USP40: variants seen among roughly 807,000 people sequenced by gnomAD.
USP40 encodes ubiquitin carboxyl-terminal hydrolase 40.
In USP40, 143 loss-of-function variants were observed where a neutral mutation model predicts 166.2. The ratio of observed to expected loss-of-function variants is 0.86; its 90% CI spans 0.75 to 0.99. USP40 has a LOEUF of 0.99. USP40 is among the 50% of genes least tolerant of loss of function. USP40 has a pLI of 0.00. For missense variants in USP40, 1,444 were observed against 1,479.7 expected (o/e 0.98, Z 0.40); for synonymous variants, 498 against 524.0 (o/e 0.95, Z 0.68).
intron 25 of USP40, among the ~76,000 whole-genome samples, chr2:233,491,622 G>A (rs1173434568): frequency 2.0e-5 from 3 of 150,092 alleles, no homozygotes; most frequent in Non-Finnish European, 4.4e-5. Context: ...GTGTGTGTGT[G>A]TGTGTGTGTG....
chr2:233,541,260 A>G (rs1042188663), intron 9 of USP40, among the ~76,000 whole-genome samples: 1 of 152,202 alleles, frequency 6.6e-6, no homozygotes, highest in Non-Finnish European at 1.5e-5. Flanking sequence ...AATATTTCAG[A>G]ATGTGACCAC....
chr2:233,546,125 G>A (rs971647559), intron 8 of USP40: 2 of 152,230 alleles, frequency 1.3e-5, no homozygotes, highest in African/African-American at 4.8e-5. Flanking sequence ...AAAATGGACA[G>A]GCAGTGCAGA....
At chr2:233,534,809 G>A (rs561783264) in intron 10 of USP40, among the ~76,000 whole-genome samples, 19 of 152,138 alleles carry the variant, frequency 1.2e-4, no homozygotes, top group African/African-American at 4.6e-4. Context: ...ATATAGCCAC[G>A]TTTTTCTTTG....
chr2:233,519,907 C>T (rs2067537331), intron 17 of USP40, among the ~76,000 whole-genome samples: 1 of 152,072 alleles, frequency 6.6e-6, no homozygotes, highest in Non-Finnish European at 1.5e-5. Flanking sequence ...ACAGAAAGGA[C>T]ACCTACAGAA....
At chr2:233,502,597 A>G (rs1249632666) in intron 21 of USP40, among the ~76,000 whole-genome samples, 3 of 152,144 alleles carry the variant, frequency 2.0e-5, no homozygotes, top group Non-Finnish European at 1.5e-5. Context: ...ACCCAGCCCA[A>G]TAGCAAGTGT....
chr2:233,537,687 A>G (rs1314944203), intron 10 of USP40, among the ~76,000 whole-genome samples: 1 of 152,194 alleles, frequency 6.6e-6, no homozygotes. Context: ...AAACACAAAA[A>G]TGATTAACTT....
intron 8 of USP40, among the ~76,000 whole-genome samples, chr2:233,547,637 T>C (rs2070100069): frequency 1.3e-5 from 2 of 152,360 alleles, no homozygotes; most frequent in Admixed American, 6.5e-5. Context: ...GGTTGATGTG[T>C]AATAGATTAT....
intron 21 of USP40, among the ~76,000 whole-genome samples, chr2:233,504,241 G>T (rs2066262760): frequency 6.6e-6 from 1 of 151,886 alleles, no homozygotes; most frequent in African/African-American, 2.4e-5. Flanking sequence ...GGAAGAAAAA[G>T]ATCTACAAAA....
chr2:233,477,622 T>A, intron 31 of USP40, 119 bp from the exon 32 acceptor site: 2 of 851,514 alleles, frequency 2.3e-6, no homozygotes, highest in South Asian at 1.6e-5. Flanking sequence ...GCATTTGCAA[T>A]TGCACAGACA....
chr2:233,564,626 C>T (rs951563863), intron 2 of USP40, among the ~76,000 whole-genome samples: 4 of 152,126 alleles, frequency 2.6e-5, no homozygotes. Flanking sequence ...TTCTTGCACA[C>T]AATCCCTTAC....
chr2:233,551,507 G>A lies in USP40; in HGVS notation c.706C>T (p.Arg236Cys), dbSNP rs376289973. The change falls in exon 7 of 32, where the codon CGT (arginine) becomes TGT (cysteine). Residue 236 changes from arginine (R) to cysteine (C), a missense_variant. By Grantham distance (180) the Arg-to-Cys change is radical. Transcript: ENST00000678225. ...LVKAAKSAKL[R>C]KLPPFLTVSL... The stretch of plus-strand genomic sequence containing the variant: ...ACAGTAAGAAAAGGAGGCAGCTTAC[G>A]TAATTTGGCCGACTGTTAAAAGAAA... 26 of 1,594,904 alleles carry A rather than the reference G, an allele frequency of 1.6e-5. No homozygotes were observed. In the East Asian group the frequency reaches 2.2e-4, roughly 14 times the overall value.
chr2:233,504,549 G>A (rs2125125399), intron 21 of USP40, among the ~76,000 whole-genome samples: 1 of 152,010 alleles, frequency 6.6e-6, no homozygotes, highest in African/African-American at 2.4e-5. Context: ...CATTATAATT[G>A]ATAATGGTCA....
intron 8 of USP40, chr2:233,546,749 C>G (rs946100444): frequency 3.9e-5 from 6 of 152,086 alleles, no homozygotes; most frequent in African/African-American, 1.5e-4. Context: ...AAAGAGAGAG[C>G]AAAATAAAGC....
At chr2:233,491,406 T>C in intron 25 of USP40, 145 bp from the exon 26 acceptor site, 1 of 660,150 alleles carries the variant, frequency 1.5e-6, no homozygotes, top group Non-Finnish European at 2.7e-6. Flanking sequence ...GAGGAGGCCC[T>C]GTCTGGCAGG....
At chr2:233,566,632 C>G (rs912917509) in intron 1 of USP40, 52 bp downstream of exon 1, 1 of 955,176 alleles carries the variant, frequency 1.0e-6, no homozygotes. Context: ...CCAACACTGT[C>G]CCTACGCTTC....
In USP40 at chr2:233,479,473, G is replaced by C. The variant is rs185276476; in HGVS notation, c.3599+1730C>G. Among the ~76,000 whole-genome samples the C allele has an allele frequency of 3.9e-4, 59 of 151,880 alleles. No homozygotes were observed. The East Asian group carries it at 0.011, about 28-fold the overall frequency. ...AGCTACTTGGGAGACTGAGGCAGGA[G>C]AATCGCTTGAACCCGGGAGGCGGAG... On this transcript the variant is annotated intron_variant, in intron 31 of 31. Transcript: ENST00000678225.
intron 26 of USP40, among the ~76,000 whole-genome samples, chr2:233,490,615 C>T (rs1344512336): frequency 1.3e-5 from 2 of 152,196 alleles, no homozygotes; most frequent in African/African-American, 4.8e-5. Context: ...CAACAGTAGG[C>T]GGATGCTGCT....
At chr2:233,557,832 G>A (rs1343309248) in intron 4 of USP40, among the ~76,000 whole-genome samples, 1 of 152,032 alleles carries the variant, frequency 6.6e-6, no homozygotes, top group Non-Finnish European at 1.5e-5. Flanking sequence ...AGAAGCAGAG[G>A]CAATAAGGGA....
chr2:233,509,788 C>A (rs1270725341), intron 21 of USP40, among the ~76,000 whole-genome samples: 1 of 144,076 alleles, frequency 6.9e-6, no homozygotes, highest in Non-Finnish European at 1.5e-5. Context: ...TTGCAGTGAG[C>A]TGAGATCATG....
Sources: gnomAD v4.1 joint callset for allele counts (sites outside exome capture counted in the v4.1 genomes callset) on GRCh38, gnomAD v4.1.1 for gene constraint, MANE v1.5 for transcripts, NCBI Gene and HGNC (gene_info 2026-07-23, HGNC 2026-07-21) for gene names.